The following TG variants were observed in gnomAD, a reference collection of about 807,000 sequenced individuals.
TG encodes the protein thyroid hormones.
In TG, 270 loss-of-function variants were observed where a neutral mutation model predicts 324.7. The ratio of observed to expected loss-of-function variants is 0.83; its 90% CI spans 0.75 to 0.92. The LOEUF (loss-of-function observed/expected upper bound fraction) is 0.92. Among genes scored for constraint, TG ranks in the 40% least tolerant of loss-of-function variants. The probability of loss-of-function intolerance (pLI) is 0.00; values close to 1 mark genes in which losing one functional copy is unlikely to be tolerated. For synonymous variants in TG, 1,401 were observed against 1,327.0 expected (o/e 1.06, Z -1.21); for missense variants, 3,591 against 3,456.4 (o/e 1.04, Z -0.98).
intron 39 of TG, among the ~76,000 whole-genome samples, chr8:133,020,800 G>A (rs1410608766): frequency 1.3e-5 from 2 of 152,182 alleles, no homozygotes; most frequent in Non-Finnish European, 2.9e-5. Context: ...ACCACCTTGG[G>A]TGGAAGATCA....
At chr8:133,118,500 T>C (rs1042582975) in intron 45 of TG, among the ~76,000 whole-genome samples, 1 of 152,036 alleles carries the variant, frequency 6.6e-6, no homozygotes, top group Non-Finnish European at 1.5e-5. Context: ...AATTTTCGTA[T>C]TTTTAGTAGA....
intron 40 of TG, among the ~76,000 whole-genome samples, chr8:133,025,742 C>T (rs116348612): frequency 6.6e-6 from 1 of 152,248 alleles, no homozygotes; most frequent in African/African-American, 2.4e-5. Context: ...TCCCTTTTTC[C>T]AGTTTAAGTC....
intron 39 of TG, among the ~76,000 whole-genome samples, chr8:133,020,557 A>C (rs1321313766): frequency 6.6e-6 from 1 of 152,166 alleles, no homozygotes; most frequent in African/African-American, 2.4e-5. Flanking sequence ...ACAGAACAGG[A>C]CAAATGAACT....
chr8:133,090,634 A>C (rs1328320581), intron 41 of TG, among the ~76,000 whole-genome samples: 1 of 152,220 alleles, frequency 6.6e-6, no homozygotes, highest in Non-Finnish European at 1.5e-5. Flanking sequence ...CCTAATGATG[A>C]ATACAACCAA....
At chr8:133,073,189 G>A (rs1275849368) in intron 41 of TG, 1 of 152,186 alleles carries the variant, frequency 6.6e-6, no homozygotes, top group African/African-American at 2.4e-5. Flanking sequence ...GTTGACACAG[G>A]TGCAGCTATT....
chr8:133,058,851 G>A (rs1042910906), intron 41 of TG, among the ~76,000 whole-genome samples: 1 of 152,146 alleles, frequency 6.6e-6, no homozygotes, highest in African/African-American at 2.4e-5. Context: ...CTTGCATTTG[G>A]CTTGAGAAGG....
At chr8:133,003,124 C>T in intron 35 of TG, 3 of 658,820 alleles carry the variant, frequency 4.6e-6, no homozygotes, top group Non-Finnish European at 3.8e-6. Context: ...GGCTTTTTGG[C>T]AATTTTTAAC....
intron 11 of TG, among the ~76,000 whole-genome samples, chr8:132,894,139 A>G (rs911051395): frequency 6.6e-6 from 1 of 152,136 alleles, no homozygotes; most frequent in Non-Finnish European, 1.5e-5. Flanking sequence ...TTCTCCAGCG[A>G]ATCTACCCTA....
chr8:133,085,833 A>G (rs913315884), intron 41 of TG, among the ~76,000 whole-genome samples: 10 of 152,350 alleles, frequency 6.6e-5, no homozygotes, highest in African/African-American at 2.4e-4. Flanking sequence ...GGTTCAACAC[A>G]AGAGTTTTCA....
chr8:133,057,515 C>A (rs1236029529), intron 41 of TG, among the ~76,000 whole-genome samples: 5 of 152,196 alleles, frequency 3.3e-5, no homozygotes, highest in Admixed American at 1.3e-4. Flanking sequence ...CCACACCCTT[C>A]TTTGCTGGTG....
chr8:133,009,718 C>T (rs935021765), intron 35 of TG, among the ~76,000 whole-genome samples: 2 of 151,658 alleles, frequency 1.3e-5, no homozygotes, highest in Admixed American at 6.6e-5. Flanking sequence ...ACAGAGGGCT[C>T]GCTTGGTCTT....
At chr8:132,869,061 C>T (rs1839233642) in intron 2 of TG, among the ~76,000 whole-genome samples, 1 of 152,238 alleles carries the variant, frequency 6.6e-6, no homozygotes, top group Non-Finnish European at 1.5e-5. Flanking sequence ...AATTCTGGAA[C>T]AGCAAGGAAG....
chr8:133,091,364 G>A (rs73354620), intron 41 of TG, among the ~76,000 whole-genome samples: 1,964 of 152,290 alleles, frequency 0.013, 53 homozygotes, highest in African/African-American at 0.044. Flanking sequence ...AGTGCAAGGC[G>A]TGCCAGGAGG....
chr8:132,980,725 T>C (rs1273004611), intron 34 of TG, among the ~76,000 whole-genome samples: 1 of 152,020 alleles, frequency 6.6e-6, no homozygotes, highest in African/African-American at 2.4e-5. Flanking sequence ...TCCAGGTAGT[T>C]AGTGTCTGGA....
chr8:133,039,870 A>C (rs1270204263), intron 41 of TG: 3 of 1,449,190 alleles, frequency 2.1e-6, no homozygotes, highest in Non-Finnish European at 2.8e-6. Flanking sequence ...CAGTTTCAGC[A>C]GGGCTGGCTG....
intron 20 of TG, 132 bp downstream of exon 20, chr8:132,913,397 G>A: frequency 4.3e-6 from 4 of 934,148 alleles, no homozygotes; most frequent in Non-Finnish European, 6.8e-6. Context: ...ACGAGCAAAA[G>A]TTTTCAATCA....
At chr8:133,007,790 G>C (rs1296732265) in intron 35 of TG, among the ~76,000 whole-genome samples, 1 of 147,248 alleles carries the variant, frequency 6.8e-6, no homozygotes, top group Non-Finnish European at 1.5e-5. Flanking sequence ...TTTTTTTTAA[G>C]GAAAGTAGTG....
chr8:133,042,459 C>A (rs1454338257), intron 41 of TG, among the ~76,000 whole-genome samples: 3 of 152,020 alleles, frequency 2.0e-5, no homozygotes, highest in African/African-American at 7.2e-5. Flanking sequence ...GCATGGTATA[C>A]TTTAGGTGCC....
intron 41 of TG, among the ~76,000 whole-genome samples, chr8:133,083,672 A>G (rs2739169): frequency 0.76 from 116,087 of 152,124 alleles, 45,168 homozygotes; most frequent in African/African-American, 0.89. Context: ...AAAGCCCATG[A>G]TCTCTCTATT....
Sources: allele counts gnomAD v4.1 joint callset (sites outside exome capture counted in the v4.1 genomes callset), GRCh38; gene constraint gnomAD v4.1.1; transcripts MANE v1.5; gene names NCBI Gene and HGNC (gene_info 2026-07-23, HGNC 2026-07-21).